ASB15: variants seen among roughly 807,000 people sequenced by gnomAD.
The protein encoded by ASB15 is ankyrin repeat and SOCS box protein 15.
ASB15 carries 54 observed loss-of-function variants against 58.0 expected under a neutral mutation model. The ratio of observed to expected loss-of-function variants is 0.93; its 90% confidence interval spans 0.75 to 1.17. The LOEUF (loss-of-function observed/expected upper bound fraction) is 1.17, where lower values mean the gene tolerates loss of function less well. ASB15 is among the 50% of genes most tolerant of loss of function. The pLI, the probability that ASB15 is intolerant of heterozygous loss-of-function variation, is 0.00. For missense variants in ASB15, 680 were observed against 707.4 expected (o/e 0.96, Z 0.44); for synonymous variants, 249 against 262.4 (o/e 0.95, Z 0.50).
At chr7:123,632,379 G>A (rs371734533) in intron 11 of ASB15, among the ~76,000 whole-genome samples, 29 of 152,240 alleles carry the variant, frequency 1.9e-4, no homozygotes, top group East Asian at 1.5e-3. Flanking sequence ...AGATATAAAA[G>A]AGGATATGGA....
chr7:123,600,714 G>A (rs149808421), upstream of ASB15, among the ~76,000 whole-genome samples: 25 of 152,214 alleles, frequency 1.6e-4, no homozygotes, highest in African/African-American at 5.8e-4. Context: ...TGACTGAAAC[G>A]CACCTTCTTT....
chr7:123,597,517 C>T (rs1009544689), upstream of ASB15, among the ~76,000 whole-genome samples: 2 of 152,130 alleles, frequency 1.3e-5, no homozygotes, highest in Admixed American at 6.5e-5. Context: ...TCCAGGCACT[C>T]AGCACTGTGA....
At chr7:123,573,060 G>GA (rs1371954300) in intron 1 of ASB15, among the ~76,000 whole-genome samples, 6 of 151,886 alleles carry the variant, frequency 4.0e-5, no homozygotes, top group Middle Eastern at 6.8e-3. Flanking sequence ...GCTTCTTACT[G>GA]AAAAAATGCA....
chr7:123,616,769 T>C (rs1465773625), intron 6 of ASB15, among the ~76,000 whole-genome samples: 1 of 152,076 alleles, frequency 6.6e-6, no homozygotes, highest in Non-Finnish European at 1.5e-5. Context: ...GATAAAAGTT[T>C]CTATATATCA....
intron 1 of ASB15, among the ~76,000 whole-genome samples, chr7:123,577,871 C>T (rs191962734): frequency 5.3e-5 from 8 of 152,000 alleles, no homozygotes; most frequent in Non-Finnish European, 7.4e-5. Context: ...AAATATCAAG[C>T]GTAGTCTTTG....
intron 9 of ASB15, among the ~76,000 whole-genome samples, chr7:123,628,208 A>G (rs1375398293): frequency 6.6e-6 from 1 of 152,184 alleles, no homozygotes; most frequent in African/African-American, 2.4e-5. Flanking sequence ...TCTTTTGGCT[A>G]ATAATTCAAT....
chr7:123,614,634 A>C, intron 4 of ASB15, 25 bp downstream of exon 4: 2 of 1,438,242 alleles, frequency 1.4e-6, no homozygotes, highest in Non-Finnish European at 2.0e-6. Context: ...AACTATCCTC[A>C]GCAAAATTTC....
chr7:123,582,825 G>A (rs1457885832), intron 1 of ASB15, among the ~76,000 whole-genome samples: 1 of 151,776 alleles, frequency 6.6e-6, no homozygotes, highest in Non-Finnish European at 1.5e-5. Context: ...CATTGCACCA[G>A]GCACATAGTA....
chr7:123,630,208 GCTACT>G, intron 11 of ASB15, 89 bp downstream of exon 11: 1 of 964,106 alleles, frequency 1.0e-6, no homozygotes, highest in Non-Finnish European at 1.5e-6. Flanking sequence ...CTTTTCCTAT[GCTACT>G]CTACTGTATT....
chr7:123,635,971 G>A lies in ASB15; in HGVS notation c.1595-838G>A, dbSNP rs546620339. Among the ~76,000 whole-genome samples the A allele has an allele frequency of 3.9e-5, 6 of 151,904 alleles. No individual in the cohort carries two copies. In the South Asian group the frequency reaches 8.3e-4, roughly 21 times the overall value. On this transcript the variant is annotated intron_variant, in intron 11 of 11. Transcript: ENST00000451215. ...CACTGAATGACAGTTAATATTTATC[G>A]AATGGTTACAATGTACCAAGCACTT...
chr7:123,629,238 A>T lies in ASB15; in HGVS notation c.1244A>T (p.Asp415Val). ...NVNCYFMHVN[D>V]TRFPSVIQYA... Reference sequence around the variant, plus strand: ...AATTGTTATTTTATGCATGTGAATGACACTCGTTTCCCCAGTGTCATTCAA... The same window carrying T: ...AATTGTTATTTTATGCATGTGAATGTCACTCGTTTCCCCAGTGTCATTCAA... Residue 415 changes from aspartate to valine, a missense_variant, in exon 10 of 12, where the codon GAC becomes GTC. Transcript: ENST00000451215. 6.2e-7 allele frequency: 1 copy of T among 1,614,056 alleles called. No individual in the cohort carries two copies. Among genetic ancestry groups the T allele is most frequent in the Middle Eastern group, 1.6e-4 (1 of 6,062 alleles).
At chr7:123,610,884 T>G (rs1049219421) in intron 3 of ASB15, among the ~76,000 whole-genome samples, 4 of 151,928 alleles carry the variant, frequency 2.6e-5, no homozygotes, top group Non-Finnish European at 5.9e-5. Flanking sequence ...GGCTCATGCC[T>G]GTAATCCTAG....
intron 11 of ASB15, among the ~76,000 whole-genome samples, chr7:123,631,272 G>A (rs1004148230): frequency 6.6e-6 from 1 of 152,114 alleles, no homozygotes; most frequent in African/African-American, 2.4e-5. Context: ...TAAAGTTGTT[G>A]TGGGAATCTA....
At chr7:123,597,146 T>C (rs1799721690), upstream of ASB15, among the ~76,000 whole-genome samples, 1 of 152,204 alleles carries the variant, frequency 6.6e-6, no homozygotes, top group African/African-American at 2.4e-5. Context: ...TTAAATTGCA[T>C]GCCCTTCTGA....
At position 123,627,206 on chromosome 7, in the gene ASB15, A is replaced by C. The variant is rs1392578734; in HGVS notation, c.794A>C (p.Tyr265Ser). The C allele has an allele frequency of 1.9e-6, 3 of 1,613,806 alleles. No homozygotes were observed. In the African/African-American group the frequency reaches 4.0e-5, roughly 22 times the overall value. The change falls in exon 9 of 12, where the codon TAT becomes TCT. Residue 265 changes from tyrosine (Y) to serine (S), a missense_variant. Coordinates refer to ENST00000451215, the MANE Select transcript of ASB15 (RefSeq NM_001290258.2). ...GACTGCATTTCCCTCCTGCTGGAAT[A>C]TGGAGGAAGCGGAAATGTACCTAAC... Reference protein sequence around the residue: ...NPDCISLLLEYGGSGNVPNRA... With the variant: ...NPDCISLLLESGGSGNVPNRA...
chr7:123,610,154 G>T (rs1269323978), intron 3 of ASB15, among the ~76,000 whole-genome samples: 1 of 152,142 alleles, frequency 6.6e-6, no homozygotes, highest in African/African-American at 2.4e-5. Flanking sequence ...TTCTTTTAAA[G>T]GCAACAGACT....
chr7:123,597,653 G>A (rs755105585), upstream of ASB15, among the ~76,000 whole-genome samples: 2 of 152,036 alleles, frequency 1.3e-5, no homozygotes, highest in Non-Finnish European at 2.9e-5. Context: ...CCAACATGGT[G>A]AAACCCCGTA....
intron 1 of ASB15, among the ~76,000 whole-genome samples, chr7:123,596,199 G>A (rs187983694): frequency 2.0e-4 from 31 of 152,182 alleles, no homozygotes; most frequent in Non-Finnish European, 4.0e-4. Context: ...GGCAAATCAT[G>A]AGACCATTAA....
At chr7:123,621,840 C>T (rs1469704174) in intron 7 of ASB15, among the ~76,000 whole-genome samples, 1 of 152,140 alleles carries the variant, frequency 6.6e-6, no homozygotes, top group Non-Finnish European at 1.5e-5. Context: ...CTGCCCACTC[C>T]CCTGGAGTTG....
Sources: gnomAD v4.1 joint callset for allele counts (sites outside exome capture counted in the v4.1 genomes callset) on GRCh38, gnomAD v4.1.1 for gene constraint, MANE v1.5 for transcripts, NCBI Gene and HGNC (gene_info 2026-07-23, HGNC 2026-07-21) for gene names.